The following NKD1 variants were observed in gnomAD, a reference collection of about 807,000 sequenced individuals.
The protein encoded by NKD1 is NKD inhibitor of Wnt signaling pathway 1.
In NKD1, 21 loss-of-function variants were observed where a neutral mutation model predicts 56.0. That is an observed-to-expected ratio of 0.38 (90% confidence interval 0.27 to 0.54). NKD1 has a LOEUF of 0.54. Among genes scored for constraint, NKD1 ranks in the 20% least tolerant of loss-of-function variants. The pLI, the probability that NKD1 is intolerant of heterozygous loss-of-function variation, is 0.82. For missense variants in NKD1, 578 were observed against 642.7 expected (o/e 0.90, Z 1.09); for synonymous variants, 263 against 265.7 (o/e 0.99, Z 0.10).
At chr16:50,587,338 G>C (rs1343766324) in intron 3 of NKD1, among the ~76,000 whole-genome samples, 1 of 152,186 alleles carries the variant, frequency 6.6e-6, no homozygotes, top group African/African-American at 2.4e-5. Context: ...GGCTGGTGTA[G>C]CTATGTCTTT....
At chr16:50,558,421 A>AT (rs1288992271) in intron 3 of NKD1, 1 of 152,264 alleles carries the variant, frequency 6.6e-6, no homozygotes, top group Non-Finnish European at 1.5e-5. Flanking sequence ...CCGCTATCGC[A>AT]TAGATGAGGA....
At chr16:50,617,777 G>A (rs1181338194) in intron 4 of NKD1, among the ~76,000 whole-genome samples, 4 of 152,322 alleles carry the variant, frequency 2.6e-5, no homozygotes, top group South Asian at 2.1e-4. Flanking sequence ...GGCAGGTTGT[G>A]TACTGCACAA....
At position 50,623,725 on chromosome 16, in the gene NKD1, CTGTG is replaced by C. The variant is rs71928407; in HGVS notation, c.367-1724_367-1721del. On this transcript the variant is annotated intron_variant, in intron 5 of 9. Coordinates refer to ENST00000268459, the MANE Select transcript of NKD1 (RefSeq NM_033119.5). This position sits in a 1 kb window ranked among gnomAD's most constrained non-coding sequence, Gnocchi z 4.1. ...AAGCTGTCTTGGAAACAGGTAAGTG[CTGTG>C]TGTGTGTGTGTGTGTGTGTGTGTGT... Among the ~76,000 whole-genome samples, 3,365 of 141,452 alleles carry C rather than the reference CTGTG, an allele frequency of 0.024. 66 individuals carry two copies. The highest frequency in any genetic ancestry group is 0.059 in the African/African-American group (2,260 of 38,086). The allele number at this position is 141,452 out of a possible 152,430, so 92.8% of individuals were successfully genotyped here.
At chr16:50,562,988 C>CA (rs1404868792) in intron 3 of NKD1, among the ~76,000 whole-genome samples, 8 of 101,862 alleles carry the variant, frequency 7.9e-5, no homozygotes, top group East Asian at 3.4e-4. Flanking sequence ...CCACCACCAC[C>CA]CCCCCCCCCC....
rs1962687666 is a variant in NKD1, at chr16:50,646,684, A to C, written c.*12903A>C. On this transcript the variant is annotated 3_prime_UTR_variant, in exon 10 of 10. Coordinates refer to ENST00000268459, the MANE Select transcript of NKD1 (RefSeq NM_033119.5). ...CGTAATGGGCATGAAAGGACACTTC[A>C]GAGCCAGCCAAGGCAGTGTCAGCCC... 1 of 152,362 alleles carries C rather than the reference A, an allele frequency of 6.6e-6. No individual in the cohort carries two copies. Among genetic ancestry groups the C allele is most frequent in the Non-Finnish European group, 1.5e-5 (1 of 68,130 alleles). The allele number at this position is 152,362 out of a possible 1,614,324, so 9.4% of individuals were successfully genotyped here. A position where few individuals can be genotyped will look rare whatever the true frequency, so the allele number is the denominator to read the frequency against.
At chr16:50,604,612 G>A (rs1961665752) in intron 3 of NKD1, among the ~76,000 whole-genome samples, 1 of 152,216 alleles carries the variant, frequency 6.6e-6, no homozygotes, top group South Asian at 2.1e-4. Context: ...CGAATGGGGA[G>A]ACTGAGGTGC....
intron 3 of NKD1, among the ~76,000 whole-genome samples, chr16:50,585,107 T>A (rs1434981043): frequency 6.6e-6 from 1 of 152,226 alleles, no homozygotes; most frequent in Non-Finnish European, 1.5e-5. Context: ...TCTGTAAAAC[T>A]TGTTCTTTCA....
chr16:50,578,312 G>C (rs1401745602), intron 3 of NKD1, among the ~76,000 whole-genome samples: 1 of 152,208 alleles, frequency 6.6e-6, no homozygotes, highest in Non-Finnish European at 1.5e-5. Flanking sequence ...TGATGAAAGA[G>C]GTGCTGGGAA....
rs1308098768 is a variant in NKD1, at chr16:50,643,146, C to T, written c.*9365C>T. 6.6e-6 allele frequency: 1 copy of T among 152,256 alleles called. No individual in the cohort carries two copies. The highest frequency in any genetic ancestry group is 2.4e-5 in the African/African-American group (1 of 41,460). 9.4% of individuals were successfully genotyped at this position (152,256 alleles called of 1,614,324 possible). A position where few individuals can be genotyped will look rare whatever the true frequency, so the allele number is the denominator to read the frequency against. ...TACATCTGGGTCTGTCCTTGCCCAA[C>T]TCCTAAGCTGCAGGATCGCTGAGGA... On this transcript the variant is annotated 3_prime_UTR_variant, in exon 10 of 10. Coordinates refer to ENST00000268459, the MANE Select transcript of NKD1 (RefSeq NM_033119.5).
chr16:50,569,779 C>A (rs973695376), intron 3 of NKD1, among the ~76,000 whole-genome samples: 4 of 152,132 alleles, frequency 2.6e-5, no homozygotes, highest in African/African-American at 9.7e-5. Context: ...ATCTTGTGAG[C>A]TTTTTAGCAT....
chr16:50,595,503 C>T (rs533824811), intron 3 of NKD1, among the ~76,000 whole-genome samples: 1 of 152,238 alleles, frequency 6.6e-6, no homozygotes, highest in East Asian at 1.9e-4. Flanking sequence ...GCAGAGGCCT[C>T]TCTTCCAGAT....
At chr16:50,602,823 G>A (rs749796396) in intron 3 of NKD1, among the ~76,000 whole-genome samples, 9 of 152,210 alleles carry the variant, frequency 5.9e-5, no homozygotes, top group South Asian at 2.1e-4. Flanking sequence ...TTCTGTTGGC[G>A]TCCCTCTCGT....
intron 6 of NKD1, 120 bp from the exon 7 acceptor site, chr16:50,630,066 G>T: frequency 1.2e-6 from 1 of 849,242 alleles, no homozygotes; most frequent in Non-Finnish European, 1.8e-6. Context: ...TTCTGCCTTA[G>T]ATCTGCTTTG....
chr16:50,585,595 C>T (rs951569527), intron 3 of NKD1, among the ~76,000 whole-genome samples: 12 of 152,312 alleles, frequency 7.9e-5, no homozygotes, highest in African/African-American at 2.6e-4. Flanking sequence ...TTGCTGCCTC[C>T]AAGATCCAGC....
At chr16:50,631,640 G>A (rs1248657599) in intron 8 of NKD1, among the ~76,000 whole-genome samples, 1 of 152,226 alleles carries the variant, frequency 6.6e-6, no homozygotes, top group African/African-American at 2.4e-5. Flanking sequence ...ACTGTGTTGT[G>A]TGGGAAGGAA....
rs1370033546 is a variant in NKD1 at position 50,634,564 on chromosome 16, T to C, written c.*783T>C. ...AGGGAACCAACCACTTAAACAAGCG[T>C]GGTTTTCCAAGATCCAGGCAATTGT... On this transcript the variant is annotated 3_prime_UTR_variant, in exon 10 of 10. Transcript: ENST00000268459. 1.3e-5 allele frequency: 2 copies of C among 152,348 alleles called. No homozygotes were observed. Among genetic ancestry groups the C allele is most frequent in the Non-Finnish European group, 2.9e-5 (2 of 68,050 alleles). 9.4% of individuals were successfully genotyped at this position (152,348 alleles called of 1,614,324 possible). A position where few individuals can be genotyped will look rare whatever the true frequency, so the allele number is the denominator to read the frequency against.
Position 50,632,481 on chromosome 16 carries a change from G to A in NKD1, c.823+73G>A, listed in dbSNP as rs545886728. 2.6e-6 allele frequency: 4 copies of A among 1,528,362 alleles called. No individual in the cohort carries two copies. The highest frequency in any genetic ancestry group is 2.3e-5 in the East Asian group (1 of 44,268). The allele number at this position is 1,528,362 out of a possible 1,614,324, so 94.7% of individuals were successfully genotyped here. A position where few individuals can be genotyped will look rare whatever the true frequency, so the allele number is the denominator to read the frequency against. ...CTGGACGGGCCAGGCGGGCCGTGCG[G>A]GTGGTGTTCACTGCTACCCCAGGCT... On this transcript the variant is annotated intron_variant, in intron 9 of 9. Coordinates refer to ENST00000268459, the MANE Select transcript of NKD1 (RefSeq NM_033119.5). This position sits in a 1 kb window ranked among gnomAD's most constrained non-coding sequence, Gnocchi z 4.1.
Position 50,570,161 on chromosome 16 carries a change from T to C in NKD1, c.192+20606T>C, listed in dbSNP as rs890544289. The stretch of plus-strand genomic sequence containing the variant: ...TTTGGATATATTGGCTTAAATAACA[T>C]TGTTAAAATTAATGTCACCTGTTTC... On this transcript the variant is annotated intron_variant, in intron 3 of 9. Coordinates refer to ENST00000268459, the MANE Select transcript of NKD1 (RefSeq NM_033119.5). Among the ~76,000 whole-genome samples the C allele has an allele frequency of 2.0e-5, 3 of 152,222 alleles. No homozygotes were observed. The East Asian group carries it at 5.8e-4, about 29-fold the overall frequency.
chr16:50,573,541 G>A (rs1240532984), intron 3 of NKD1, among the ~76,000 whole-genome samples: 1 of 152,216 alleles, frequency 6.6e-6, no homozygotes, highest in Non-Finnish European at 1.5e-5. Context: ...TGCCCCTCAG[G>A]ACCTCCCCTT....
Sources: gnomAD v4.1 joint callset for allele counts (sites outside exome capture counted in the v4.1 genomes callset) on GRCh38, gnomAD v4.1.1 for gene constraint, Gnocchi (gnomAD v3.1) non-coding constraint, MANE v1.5 for transcripts, NCBI Gene and HGNC (gene_info 2026-07-23, HGNC 2026-07-21) for gene names.